Variants in DLGAP2 observed in about 807,000 individuals in gnomAD.
DLGAP2 encodes the protein DLG associated protein 2, also known as disks large-associated protein 2.
In DLGAP2, 26 loss-of-function variants were observed where a neutral mutation model predicts 100.3. The observed-to-expected ratio is 0.26, with a 90% CI of 0.19 to 0.36. DLGAP2 has a LOEUF of 0.36. Among genes scored for constraint, DLGAP2 ranks in the 10% least tolerant of loss-of-function variants. The pLI is 1.00. For missense variants in DLGAP2, 1,858 were observed against 1,453.2 expected (o/e 1.28, Z -4.53); for synonymous variants, 886 against 630.1 (o/e 1.41, Z -6.08).
chr8:826,467 A>G (rs188630029), intron 1 of DLGAP2, among the ~76,000 whole-genome samples: 61 of 152,298 alleles, frequency 4.0e-4, no homozygotes, highest in African/African-American at 1.3e-3. Context: ...TGAAGGTCAA[A>G]GCTGAGGTCA....
intron 6 of DLGAP2, among the ~76,000 whole-genome samples, chr8:1,606,435 A>G (rs6558499): frequency 0.46 from 69,538 of 151,824 alleles, 16,170 homozygotes; most frequent in African/African-American, 0.53. Flanking sequence ...AACCCCTGGC[A>G]ACCACGAACC....
At chr8:1,622,452 C>G (rs190847756) in intron 6 of DLGAP2, 5 of 152,218 alleles carry the variant, frequency 3.3e-5, no homozygotes, top group African/African-American at 1.2e-4. Context: ...TCAGGGGTAC[C>G]CTTTGTTATG....
intron 3 of DLGAP2, among the ~76,000 whole-genome samples, chr8:1,470,841 GGCTTTCCCGACCCCTC>G (rs1798767496): frequency 5.9e-5 from 1 of 16,890 alleles, no homozygotes; most frequent in East Asian, 2.9e-3. Context: ...GACCCCTCCA[GGCTTTCCCGACCCCTC>G]CAGCCTTTCC....
chr8:1,205,728 C>G (rs772923226), intron 2 of DLGAP2, among the ~76,000 whole-genome samples: 1 of 152,174 alleles, frequency 6.6e-6, no homozygotes, highest in Non-Finnish European at 1.5e-5. Context: ...GTCTCCATTT[C>G]CAAATGGAGT....
chr8:1,131,360 C>G (rs1357565152), intron 2 of DLGAP2, among the ~76,000 whole-genome samples: 1 of 152,160 alleles, frequency 6.6e-6, no homozygotes, highest in East Asian at 1.9e-4. Flanking sequence ...GATCCACGTG[C>G]CGGCAGGTGG....
intron 1 of DLGAP2, among the ~76,000 whole-genome samples, chr8:748,357 C>T (rs890885572): frequency 1.3e-5 from 2 of 151,976 alleles, no homozygotes; most frequent in African/African-American, 2.4e-5. Flanking sequence ...CTCTGTCTCG[C>T]TCCTCCAAGA....
In DLGAP2 at chr8:1,439,321, G is replaced by C. The variant is rs74433118; in HGVS notation, c.107-62045G>C. 1.2e-3 allele frequency among the ~76,000 whole-genome samples: 189 copies of C among 152,324 alleles called. 1 individual carries two copies. The highest frequency in any genetic ancestry group is 4.3e-3 in the African/African-American group (178 of 41,572). On this transcript the variant is annotated intron_variant, in intron 3 of 14. Coordinates refer to ENST00000637795, the MANE Select transcript of DLGAP2 (RefSeq NM_001346810.2). ...GAGGCTGTGGGGGTTTTAGGAGGAA[G>C]CTTCGCGCTGTCTGTGGGAGCTAGA...
At chr8:1,373,407 C>A (rs78566886) in intron 3 of DLGAP2, among the ~76,000 whole-genome samples, 3,481 of 152,238 alleles carry the variant, frequency 0.023, 77 homozygotes, top group Middle Eastern at 0.037. Flanking sequence ...CTTGCGTCCC[C>A]GGGCTTCCTG....
intron 5 of DLGAP2, among the ~76,000 whole-genome samples, chr8:1,563,726 T>C (rs974983528): frequency 1.3e-5 from 2 of 152,042 alleles, no homozygotes; most frequent in Non-Finnish European, 2.9e-5. Flanking sequence ...GTGGAAGATG[T>C]CAGATCTGCC....
intron 3 of DLGAP2, among the ~76,000 whole-genome samples, chr8:1,425,718 G>T (rs1377818144): frequency 6.6e-6 from 1 of 152,108 alleles, no homozygotes; most frequent in Non-Finnish European, 1.5e-5. Context: ...GGCCCCTGTG[G>T]GCTCATGAAC....
chr8:1,384,187 AG>A (rs1796160231), intron 3 of DLGAP2, among the ~76,000 whole-genome samples: 2 of 152,274 alleles, frequency 1.3e-5, no homozygotes, highest in Admixed American at 6.5e-5. Context: ...GATTCATAAA[AG>A]TTAAGGGATG....
At chr8:1,306,074 CAA>C (rs61647224) in intron 3 of DLGAP2, among the ~76,000 whole-genome samples, 59,773 of 116,780 alleles carry the variant, frequency 0.51, 13,702 homozygotes, top group African/African-American at 0.53. Context: ...AGAAATTAGG[CAA>C]AAAAAAAAAA....
intron 2 of DLGAP2, chr8:1,032,444 T>C (rs1476337707): frequency 1.3e-5 from 2 of 152,236 alleles, no homozygotes; most frequent in Non-Finnish European, 2.9e-5. Flanking sequence ...TTTGGACACC[T>C]GAGAATAATT....
At chr8:1,675,320 G>T (rs1481597032) in intron 10 of DLGAP2, among the ~76,000 whole-genome samples, 1 of 152,188 alleles carries the variant, frequency 6.6e-6, no homozygotes, top group African/African-American at 2.4e-5. Flanking sequence ...ACCAGGGCGC[G>T]CTCCTGAGCA....
rs141784430 is a variant in DLGAP2 at position 1,349,805 on chromosome 8, C to T, written c.106+90922C>T. ...GTGACTTTACAGAGAAGTGCAAACT[C>T]ATCAGACACCTTGAATTGCTCTAAC... On this transcript the variant is annotated intron_variant, in intron 3 of 14. Coordinates refer to ENST00000637795, the MANE Select transcript of DLGAP2 (RefSeq NM_001346810.2). Among the ~76,000 whole-genome samples the T allele has an allele frequency of 5.4e-3, 821 of 152,368 alleles. 6 individuals are homozygous for T. The highest frequency in any genetic ancestry group is 0.018 in the African/African-American group (754 of 41,590).
chr8:849,738 C>G (rs1014840997), intron 1 of DLGAP2, among the ~76,000 whole-genome samples: 1 of 152,198 alleles, frequency 6.6e-6, no homozygotes, highest in African/African-American at 2.4e-5. Flanking sequence ...TGCTTTCCAT[C>G]TTTACTCTTC....
chr8:1,331,474 C>A (rs1215243308), intron 3 of DLGAP2, among the ~76,000 whole-genome samples: 3 of 152,208 alleles, frequency 2.0e-5, no homozygotes, highest in Non-Finnish European at 4.4e-5. Context: ...ACAACAGACT[C>A]CTCCTGCCCA....
At chr8:942,966 C>G (rs762721096) in intron 2 of DLGAP2, among the ~76,000 whole-genome samples, 1 of 152,222 alleles carries the variant, frequency 6.6e-6, no homozygotes, top group Non-Finnish European at 1.5e-5. Flanking sequence ...GGAACACCAT[C>G]TATCAGCGCT....
intron 1 of DLGAP2, among the ~76,000 whole-genome samples, chr8:879,660 C>G (rs906665670): frequency 6.6e-6 from 1 of 152,206 alleles, no homozygotes; most frequent in Non-Finnish European, 1.5e-5. Flanking sequence ...TCCCTTCTGA[C>G]TCACTTCCCT....
Sources: gnomAD v4.1 joint callset for allele counts (sites outside exome capture counted in the v4.1 genomes callset) on GRCh38, gnomAD v4.1.1 for gene constraint, MANE v1.5 for transcripts, NCBI Gene and HGNC (gene_info 2026-07-23, HGNC 2026-07-21) for gene names.